The following NETO1 variants were observed in gnomAD, a reference collection of about 807,000 sequenced individuals.
NETO1 encodes neuropilin and tolloid-like protein 1.
In NETO1, 26 loss-of-function variants were observed where a neutral mutation model predicts 61.3. The observed-to-expected ratio is 0.42, with a 90% CI of 0.31 to 0.59. The LOEUF is 0.59. Among genes scored for constraint, NETO1 ranks in the 20% least tolerant of loss-of-function variants. NETO1 has a pLI of 0.12. For missense variants in NETO1, 531 were observed against 662.8 expected, an observed-to-expected ratio of 0.80 and a Z score of 2.18; for synonymous variants, 225 against 225.8, an observed-to-expected ratio of 1.00 and a Z score of 0.03.
chr18:72,749,055 T>A lies in NETO1; in HGVS notation c.1575A>T (p.Glu525Asp). ...AGACCCTAGTTGTGTTGTATTCAGA[T>A]TCATGTTTGCTTAGAGACCCAATGA... ...FCLIGSLSKH[E>D]SEYNTTRV The change falls in exon 10 of 11, where the codon GAA becomes GAT. Residue 525 changes from glutamate to aspartate, a missense_variant. Transcript: ENST00000327305. 1 of 1,611,486 alleles carries A rather than the reference T, an allele frequency of 6.2e-7. No individual in the cohort carries two copies. Among genetic ancestry groups the A allele is most frequent in the Non-Finnish European group, 8.5e-7 (1 of 1,177,852 alleles).
intron 4 of NETO1, among the ~76,000 whole-genome samples, chr18:72,809,877 A>T (rs1217246837): frequency 6.6e-6 from 1 of 152,360 alleles, no homozygotes; most frequent in East Asian, 1.9e-4. Flanking sequence ...TACTTGCTAC[A>T]TGCCAAGATA....
At chr18:72,743,704 G>A (rs2070374473), downstream of NETO1, 1 of 152,064 alleles carries the variant, frequency 6.6e-6, no homozygotes, top group Non-Finnish European at 1.5e-5. Context: ...AAACAGCCTA[G>A]CTATATTGAT....
intron 7 of NETO1, among the ~76,000 whole-genome samples, chr18:72,774,484 A>C (rs1046521626): frequency 5.9e-5 from 9 of 152,172 alleles, no homozygotes; most frequent in African/African-American, 9.7e-5. Flanking sequence ...AGAGTCAATA[A>C]ATTTTCAAAA....
At chr18:72,825,880 A>T (rs2073356184) in intron 4 of NETO1, among the ~76,000 whole-genome samples, 3 of 152,206 alleles carry the variant, frequency 2.0e-5, no homozygotes, top group Non-Finnish European at 4.4e-5. Flanking sequence ...AATGTGATTT[A>T]AAACACTAGA....
intron 4 of NETO1, among the ~76,000 whole-genome samples, chr18:72,840,447 C>T (rs1283733110): frequency 6.6e-6 from 1 of 152,174 alleles, no homozygotes; most frequent in Admixed American, 6.5e-5. Flanking sequence ...ACAAACAAAT[C>T]GCTGAGTGCC....
chr18:72,865,319 A>G lies in NETO1; in HGVS notation c.29-78T>C, dbSNP rs984725772. 1.1e-5 allele frequency: 14 copies of G among 1,284,640 alleles called. No homozygotes were observed. In the Admixed American group the frequency reaches 1.7e-4, roughly 15 times the overall value. The allele number at this position is 1,284,640 out of a possible 1,614,324, so 79.6% of individuals were successfully genotyped here. A position where few individuals can be genotyped will look rare whatever the true frequency, so the allele number is the denominator to read the frequency against. ...CATAAAAACATAACATAATTTCAAG[A>G]TAAAATAATATCAAAGCAGATTAAT... On this transcript the variant is annotated intron_variant, in intron 1 of 10. Transcript: ENST00000327305.
chr18:72,860,670 A>G (rs28760602), intron 3 of NETO1, among the ~76,000 whole-genome samples: 2,446 of 152,312 alleles, frequency 0.016, 46 homozygotes, highest in African/African-American at 0.051. Context: ...ATTGTATGAA[A>G]AAGGTGAACA....
chr18:72,777,360 A>C (rs537480773), intron 7 of NETO1, among the ~76,000 whole-genome samples: 1 of 149,078 alleles, frequency 6.7e-6, no homozygotes, highest in South Asian at 2.2e-4. Context: ...GGGAGGTTGC[A>C]GGGAGCTGAG....
At chr18:72,866,625 T>C (rs1445725128) in intron 1 of NETO1, 1 of 801,364 alleles carries the variant, frequency 1.2e-6, no homozygotes, top group African/African-American at 1.9e-5. Flanking sequence ...CACTCTCATC[T>C]TTGCTTAGTA....
intron 7 of NETO1, among the ~76,000 whole-genome samples, chr18:72,765,271 C>G (rs2071114978): frequency 6.6e-6 from 1 of 152,166 alleles, no homozygotes; most frequent in Non-Finnish European, 1.5e-5. Flanking sequence ...TTGGTTTTCC[C>G]ACAATACATA....
chr18:72,750,872 TACACACACACACACACACACACAC>T (rs142668353), intron 8 of NETO1, among the ~76,000 whole-genome samples: 1 of 118,764 alleles, frequency 8.4e-6, no homozygotes, highest in South Asian at 3.0e-4. Context: ...CAGCTTAAAA[TACACACACACACACACACACACAC>T]ACACACACAC....
At chr18:72,836,946 G>A (rs548346817) in intron 4 of NETO1, among the ~76,000 whole-genome samples, 1 of 152,294 alleles carries the variant, frequency 6.6e-6, no homozygotes, top group African/African-American at 2.4e-5. Context: ...TGGAGAAAAG[G>A]AAAAGCACAT....
chr18:72,814,121 C>T lies in NETO1; in HGVS notation c.470-19717G>A, dbSNP rs183351656. Among the ~76,000 whole-genome samples, 101 of 152,034 alleles carry T rather than the reference C, an allele frequency of 6.6e-4. No homozygotes were observed. The Middle Eastern group carries it at 0.01, about 15-fold the overall frequency. On this transcript the variant is annotated intron_variant, in intron 4 of 10. Coordinates refer to ENST00000327305, the MANE Select transcript of NETO1 (RefSeq NM_138966.5). ...TTCACTAAGGGAATGTCTGAAGTCT[C>T]CAGTTCAAGCAGAAGGTAAGTGATA...
intron 6 of NETO1, among the ~76,000 whole-genome samples, chr18:72,784,651 T>A (rs1320377723): frequency 6.6e-6 from 1 of 152,224 alleles, no homozygotes; most frequent in Non-Finnish European, 1.5e-5. Context: ...AAATTAGACA[T>A]GAGCATCCTC....
intron 4 of NETO1, among the ~76,000 whole-genome samples, chr18:72,844,990 CCA>C (rs2074042173): frequency 1.3e-5 from 2 of 152,272 alleles, no homozygotes; most frequent in Middle Eastern, 3.4e-3. Context: ...CAGGTGCACC[CCA>C]CATTACGCAC....
intron 7 of NETO1, among the ~76,000 whole-genome samples, chr18:72,782,861 G>A (rs1842465121): frequency 6.6e-6 from 1 of 152,122 alleles, no homozygotes; most frequent in African/African-American, 2.4e-5. Flanking sequence ...ACTGGTATGA[G>A]ATGGTATCTC....
In NETO1 at chr18:72,794,420, A is replaced by G. The variant is rs749556083; in HGVS notation, c.470-16T>C. On this transcript the variant is annotated splice_polypyrimidine_tract_variant and intron_variant, in intron 4 of 10. Transcript: ENST00000327305. ...AAGTCAGGATCTTAAAAATTGAGAAAAAGACAATTAGTCCCATTCTACATT... is the reference window on the plus strand; with the variant it reads ...AAGTCAGGATCTTAAAAATTGAGAAGAAGACAATTAGTCCCATTCTACATT... 20 of 1,604,060 alleles carry G rather than the reference A, an allele frequency of 1.2e-5. No individual in the cohort carries two copies. The African/African-American group carries it at 2.4e-4, about 19-fold the overall frequency.
chr18:72,751,521 A>C (rs1279094904), intron 8 of NETO1, among the ~76,000 whole-genome samples: 1 of 152,184 alleles, frequency 6.6e-6, no homozygotes, highest in Non-Finnish European at 1.5e-5. Context: ...TCCATGTTGG[A>C]CATGCTTCTT....
At chr18:72,774,672 G>A (rs1028633098) in intron 7 of NETO1, among the ~76,000 whole-genome samples, 1 of 151,960 alleles carries the variant, frequency 6.6e-6, no homozygotes. Context: ...CTTCATCTAT[G>A]AAACTAAATT....
Sources: allele counts gnomAD v4.1 joint callset (sites outside exome capture counted in the v4.1 genomes callset), GRCh38; gene constraint gnomAD v4.1.1; transcripts MANE v1.5; gene names NCBI Gene and HGNC (gene_info 2026-07-23, HGNC 2026-07-21).